MGAM2: variants seen among roughly 807,000 people sequenced by gnomAD.
The protein encoded by MGAM2 is probable maltase-glucoamylase 2.
Under a neutral mutation model 96.1 loss-of-function variants are expected in MGAM2, and 98 were observed. That is an observed-to-expected ratio of 1.02 (90% CI 0.87 to 1.21). MGAM2 has a LOEUF of 1.21. Ranked by LOEUF, MGAM2 falls within the 50% of genes most tolerant of loss-of-function variation. The pLI, the probability that MGAM2 is intolerant of heterozygous loss-of-function variation, is 0.00. For synonymous variants in MGAM2, 749 were observed against 414.8 expected (o/e 1.81, Z -9.79); for missense variants, 2,055 against 1,182.4 (o/e 1.74, Z -10.82).
chr7:142,197,249 G>A (rs1036009181), intron 40 of MGAM2, 151 bp from the exon 41 acceptor site: 1 of 604,516 alleles, frequency 1.7e-6, no homozygotes. Context: ...ATTTTGTAGG[G>A]TGGCAGAGAT....
chr7:142,219,770 G>T, intron 47 of MGAM2, 100 bp from the exon 48 acceptor site: 1 of 611,092 alleles, frequency 1.6e-6, no homozygotes, highest in East Asian at 2.7e-5. Flanking sequence ...GGAAAGGAAT[G>T]AATCCATCAT....
At position 142,156,331 on chromosome 7, in the gene MGAM2, G is replaced by A. The variant is rs1365774347; in HGVS notation, c.1923+1486G>A. ...ATTTTATATCCTTTTCATTCTACTAGGTCTTCAAAATTTGGTATGCATTTT... is the reference window on the plus strand; with the variant it reads ...ATTTTATATCCTTTTCATTCTACTAAGTCTTCAAAATTTGGTATGCATTTT... On this transcript the variant is annotated intron_variant, in intron 17 of 47. Transcript: ENST00000477922. Among the ~76,000 whole-genome samples the A allele has an allele frequency of 2.0e-5, 3 of 151,962 alleles. No individual in the cohort carries two copies. The East Asian group carries it at 5.8e-4, about 29-fold the overall frequency.
At chr7:142,137,605 A>T in intron 9 of MGAM2, 60 bp downstream of exon 9, 1 of 572,584 alleles carries the variant, frequency 1.7e-6, no homozygotes, top group Non-Finnish European at 3.1e-6. Flanking sequence ...ACTCATTATA[A>T]ATTAATAAAA....
intron 37 of MGAM2, 105 bp from the exon 38 acceptor site, chr7:142,196,049 C>G (rs1024378416): frequency 2.9e-6 from 2 of 681,316 alleles, no homozygotes; most frequent in African/African-American, 3.5e-5. Flanking sequence ...AAGAAGTTAT[C>G]TGACTCGGAC....
At position 142,144,878 on chromosome 7, in the gene MGAM2, T is replaced by C. The variant is rs184694211; in HGVS notation, c.1449T>C (p.Ser483=). 3 of 702,698 alleles carry C rather than the reference T, an allele frequency of 4.3e-6. No homozygotes were observed. The highest frequency in any genetic ancestry group is 2.7e-5 in the East Asian group (1 of 37,248). The allele number at this position is 702,698 out of a possible 1,614,324, so 43.5% of individuals were successfully genotyped here. A position where few individuals can be genotyped will look rare whatever the true frequency, so the allele number is the denominator to read the frequency against. ...CTTTGAAGGAAATGAATGAAGTATCTAGCTTACTCCAAGCTTCTAATAACC... is the reference window on the plus strand; with the variant it reads ...CTTTGAAGGAAATGAATGAAGTATCCAGCTTACTCCAAGCTTCTAATAACC... ...DGVWIEMNEV[S]SLLQASNNQC... Residue 483 remains serine, a synonymous_variant, in exon 14 of 48, where the codon TCT becomes TCC. Coordinates refer to ENST00000477922, the MANE Select transcript of MGAM2 (RefSeq NM_001293626.2).
intron 46 of MGAM2, among the ~76,000 whole-genome samples, chr7:142,215,095 T>C (rs546531744): frequency 3.3e-5 from 5 of 152,246 alleles, no homozygotes; most frequent in African/African-American, 9.6e-5. Flanking sequence ...ATGTGGCACA[T>C]ATATACCATG....
At chr7:142,202,230 A>G (rs186707265) in intron 45 of MGAM2, among the ~76,000 whole-genome samples, 45 of 152,320 alleles carry the variant, frequency 3.0e-4, no homozygotes, top group Admixed American at 9.8e-4. Flanking sequence ...GTCCCTGGGT[A>G]TCCATAGGCG....
At chr7:142,140,543 G>T (rs1795189704) in intron 10 of MGAM2, among the ~76,000 whole-genome samples, 1 of 152,142 alleles carries the variant, frequency 6.6e-6, no homozygotes, top group Non-Finnish European at 1.5e-5. Flanking sequence ...AGATGAACAA[G>T]ATGCAATTCC....
chr7:142,139,724 T>C (rs1795164721), intron 10 of MGAM2, among the ~76,000 whole-genome samples: 1 of 149,202 alleles, frequency 6.7e-6, no homozygotes, highest in Admixed American at 6.7e-5. Context: ...CATATGGACA[T>C]GGCTTTGGCC....
chr7:142,221,036 T>C lies in MGAM2; in HGVS notation c.6525T>C (p.Asn2175=), dbSNP rs1270768822. 4.3e-6 allele frequency: 3 copies of C among 702,414 alleles called. No homozygotes were observed. The highest frequency in any genetic ancestry group is 7.8e-6 in the Non-Finnish European group (3 of 384,766). The allele number at this position is 702,414 out of a possible 1,614,324, so 43.5% of individuals were successfully genotyped here. A position where few individuals can be genotyped will look rare whatever the true frequency, so the allele number is the denominator to read the frequency against. ...SHTSTDDTVP[N]NTVPVTAIPS... Reference sequence around the variant, plus strand: ...CAAGTACTGATGATACTGTTCCTAATAATACTGTTCCAGTTACAGCTATTC... The same window carrying C: ...CAAGTACTGATGATACTGTTCCTAACAATACTGTTCCAGTTACAGCTATTC... Residue 2175 remains asparagine, a synonymous_variant, in exon 48 of 48, where the codon AAT becomes AAC. Transcript: ENST00000477922.
chr7:142,154,038 T>C lies in MGAM2; in HGVS notation c.1655T>C (p.Met552Thr), dbSNP rs1395206049. The C allele has an allele frequency of 1.5e-6, 1 of 678,708 alleles. No individual in the cohort carries two copies. The highest frequency in any genetic ancestry group is 2.7e-5 in the East Asian group (1 of 36,956). The allele number at this position is 678,708 out of a possible 1,614,324, so 42.0% of individuals were successfully genotyped here. A position where few individuals can be genotyped will look rare whatever the true frequency, so the allele number is the denominator to read the frequency against. The change falls in exon 16 of 48, where the codon ATG becomes ACG. Residue 552 changes from methionine (M) to threonine (T), a missense_variant. Transcript: ENST00000477922. ...TTNLALETIF[M>T]NNRSFILSRS... Reference sequence around the variant, plus strand: ...TCCAGAGCCCTGGAGACCATCTTCATGAATAATAGGAGCTTCATCTTATCC... The same window carrying C: ...TCCAGAGCCCTGGAGACCATCTTCACGAATAATAGGAGCTTCATCTTATCC...
chr7:142,167,924 T>C (rs1039851750), intron 26 of MGAM2, among the ~76,000 whole-genome samples: 1 of 152,062 alleles, frequency 6.6e-6, no homozygotes, highest in Non-Finnish European at 1.5e-5. Context: ...AGCTAAGGCC[T>C]GTAGAGAGGT....
chr7:142,148,621 C>T lies in MGAM2; in HGVS notation c.1634+1048C>T, dbSNP rs1465582286. Among the ~76,000 whole-genome samples, 1 of 152,190 alleles carries T rather than the reference C, an allele frequency of 6.6e-6. No individual in the cohort carries two copies. ...TTCTTCTGTGGAAGATGGTACAATA[C>T]AATCATTATACCTAAGAGAGCAAGA... On this transcript the variant is annotated intron_variant, in intron 15 of 47. Transcript: ENST00000477922. The surrounding 1 kb of genome is among the most constrained non-coding windows in gnomAD (Gnocchi z 4.2).
Position 142,154,007 on chromosome 7 carries a change from T to A in MGAM2, c.1635-11T>A. On this transcript the variant is annotated splice_polypyrimidine_tract_variant and intron_variant, in intron 15 of 47. Transcript: ENST00000477922. ...CCCACCTCACACTCCACTGGATGTA[T>A]TCCTTTCCAGAGCCCTGGAGACCAT... 1 of 641,832 alleles carries A rather than the reference T, an allele frequency of 1.6e-6. No individual in the cohort carries two copies. Among genetic ancestry groups the A allele is most frequent in the Non-Finnish European group, 2.9e-6 (1 of 343,654 alleles). 39.8% of individuals were successfully genotyped at this position (641,832 alleles called of 1,614,324 possible).
At chr7:142,195,814 A>G (rs1797015873) in intron 37 of MGAM2, among the ~76,000 whole-genome samples, 1 of 152,146 alleles carries the variant, frequency 6.6e-6, no homozygotes, top group South Asian at 2.1e-4. Flanking sequence ...GTTATGAGAC[A>G]CCACATAGGA....
intron 22 of MGAM2, among the ~76,000 whole-genome samples, chr7:142,161,507 A>G (rs1795886862): frequency 6.6e-6 from 1 of 152,218 alleles, no homozygotes; most frequent in African/African-American, 2.4e-5. Flanking sequence ...CAGATAATAC[A>G]CTTTTTAATA....
At position 142,157,001 on chromosome 7, in the gene MGAM2, C is replaced by T. The variant is rs75987006; in HGVS notation, c.1924-936C>T. Among the ~76,000 whole-genome samples, 24 of 152,154 alleles carry T rather than the reference C, an allele frequency of 1.6e-4. No individual in the cohort carries two copies. The East Asian group carries it at 2.3e-3, about 15-fold the overall frequency. ...TTGGATAAAATCTGCTAAAAACCAT[C>T]GTCATAATTTATTTGCACAATGTAT... On this transcript the variant is annotated intron_variant, in intron 17 of 47. Transcript: ENST00000477922.
intron 32 of MGAM2, 134 bp downstream of exon 32, chr7:142,175,914 C>A: frequency 2.3e-6 from 1 of 443,876 alleles, no homozygotes; most frequent in Non-Finnish European, 4.0e-6. Flanking sequence ...TGTTTTGCAA[C>A]TTCTTGTGGT....
intron 29 of MGAM2, 25 bp downstream of exon 29, chr7:142,172,219 G>T (rs761912861): frequency 1.4e-6 from 1 of 700,028 alleles, no homozygotes; most frequent in South Asian, 1.5e-5. Flanking sequence ...CAGCTCCCAT[G>T]CACCACCAGA....
Sources: allele counts gnomAD v4.1 joint callset (sites outside exome capture counted in the v4.1 genomes callset), GRCh38; gene constraint gnomAD v4.1.1; non-coding constraint Gnocchi (gnomAD v3.1); transcripts MANE v1.5; gene names NCBI Gene and HGNC (gene_info 2026-07-23, HGNC 2026-07-21).